The following KIAA1217 variants were observed in gnomAD, a reference collection of about 807,000 sequenced individuals.
KIAA1217 encodes the protein sickle tail protein homolog.
Under a neutral mutation model 163.9 loss-of-function variants are expected in KIAA1217, and 88 were observed. The observed-to-expected ratio is 0.54, with a 90% CI of 0.45 to 0.64. The LOEUF (loss-of-function observed/expected upper bound fraction) is 0.64. KIAA1217 is among the 30% of genes least tolerant of loss of function. The probability of loss-of-function intolerance (pLI) is 0.00; values close to 1 mark genes in which losing one functional copy is unlikely to be tolerated. For synonymous variants in KIAA1217, 903 were observed against 923.1 expected (o/e 0.98, Z 0.39); for missense variants, 2,372 against 2,475.0 (o/e 0.96, Z 0.88).
intron 2 of KIAA1217, among the ~76,000 whole-genome samples, chr10:24,234,339 C>T (rs1326613402): frequency 6.6e-6 from 1 of 151,828 alleles, no homozygotes; most frequent in Non-Finnish European, 1.5e-5. Context: ...AGTTACTCAA[C>T]CTGTAATGAG....
intron 1 of KIAA1217, among the ~76,000 whole-genome samples, chr10:23,744,938 C>T (rs1314327422): frequency 6.6e-6 from 1 of 152,002 alleles, no homozygotes; most frequent in Non-Finnish European, 1.5e-5. Flanking sequence ...TGGATGAGGC[C>T]CAGCTCCATT....
chr10:24,442,110 C>G (rs948529018), intron 5 of KIAA1217, among the ~76,000 whole-genome samples: 1 of 152,112 alleles, frequency 6.6e-6, no homozygotes, highest in Non-Finnish European at 1.5e-5. Flanking sequence ...TAGACAATTA[C>G]CAGATTGGCC....
chr10:23,707,513 A>G (rs1836966744), intron 1 of KIAA1217, among the ~76,000 whole-genome samples: 1 of 152,200 alleles, frequency 6.6e-6, no homozygotes, highest in African/African-American at 2.4e-5. Flanking sequence ...CAAATACTAC[A>G]CTTATAAGTG....
At chr10:24,174,715 T>G (rs560329453) in intron 2 of KIAA1217, among the ~76,000 whole-genome samples, 1 of 152,318 alleles carries the variant, frequency 6.6e-6, no homozygotes, top group East Asian at 1.9e-4. Flanking sequence ...TTTTTAAATT[T>G]TATTTATTTA....
chr10:24,447,432 T>C, intron 5 of KIAA1217, among the ~76,000 whole-genome samples: 1 of 152,040 alleles, frequency 6.6e-6, no homozygotes, highest in East Asian at 1.9e-4. Context: ...TTCCCCACCC[T>C]GTGTCCAAGT....
At chr10:24,199,314 A>G (rs533524877) in intron 2 of KIAA1217, among the ~76,000 whole-genome samples, 106 of 152,358 alleles carry the variant, frequency 7.0e-4, no homozygotes, top group African/African-American at 2.2e-3. Flanking sequence ...GAAAATATGC[A>G]ACTGTTTTAT....
chr10:24,155,976 A>T (rs1437548152), intron 2 of KIAA1217, among the ~76,000 whole-genome samples: 1 of 152,186 alleles, frequency 6.6e-6, no homozygotes, highest in African/African-American at 2.4e-5. Flanking sequence ...GTTGTTTTAA[A>T]TAGCTTATTT....
At chr10:24,067,335 T>C (rs1247332582) in intron 2 of KIAA1217, among the ~76,000 whole-genome samples, 1 of 152,218 alleles carries the variant, frequency 6.6e-6, no homozygotes, top group African/African-American at 2.4e-5. Context: ...TGGATGTCCT[T>C]TCTGTTTGTT....
intron 2 of KIAA1217, among the ~76,000 whole-genome samples, chr10:24,223,775 A>G (rs919599442): frequency 4.9e-5 from 7 of 143,670 alleles, no homozygotes; most frequent in Admixed American, 2.2e-4. Context: ...GTGCAGTGGC[A>G]TGATCATGGC....
intron 1 of KIAA1217, among the ~76,000 whole-genome samples, chr10:23,709,726 C>T (rs975528157): frequency 2.2e-4 from 33 of 152,088 alleles, no homozygotes; most frequent in Non-Finnish European, 1.0e-4. Context: ...TTTTACTATG[C>T]CTGTATGGTC....
intron 2 of KIAA1217, among the ~76,000 whole-genome samples, chr10:24,123,794 T>C (rs1236624764): frequency 1.3e-5 from 2 of 152,222 alleles, no homozygotes; most frequent in Non-Finnish European, 2.9e-5. Flanking sequence ...TTTCCCCATA[T>C]CTTTTCCAAT....
chr10:24,197,893 C>A (rs1455853196), intron 2 of KIAA1217, among the ~76,000 whole-genome samples: 1 of 152,222 alleles, frequency 6.6e-6, no homozygotes, highest in Non-Finnish European at 1.5e-5. Context: ...ATGCATGGAC[C>A]TGACACCTGT....
At chr10:23,924,797 TTCTGAG>T (rs1227034482) in intron 1 of KIAA1217, among the ~76,000 whole-genome samples, 6 of 152,210 alleles carry the variant, frequency 3.9e-5, no homozygotes, top group African/African-American at 1.4e-4. Flanking sequence ...ATGACACTGT[TTCTGAG>T]TCTGAACAAG....
chr10:23,715,515 G>C (rs912427930), intron 1 of KIAA1217, among the ~76,000 whole-genome samples: 3 of 152,124 alleles, frequency 2.0e-5, no homozygotes, highest in African/African-American at 7.2e-5. Flanking sequence ...AGTATGATGA[G>C]ACCTCATGGT....
intron 2 of KIAA1217, among the ~76,000 whole-genome samples, chr10:24,182,622 A>G (rs1216249024): frequency 1.3e-5 from 2 of 152,196 alleles, no homozygotes; most frequent in African/African-American, 2.4e-5. Flanking sequence ...GGGTAGGGGC[A>G]TATGTTCTTT....
At chr10:23,761,031 C>G (rs568864087) in intron 1 of KIAA1217, among the ~76,000 whole-genome samples, 4 of 152,030 alleles carry the variant, frequency 2.6e-5, no homozygotes, top group South Asian at 4.2e-4. Flanking sequence ...GGGAGGATCA[C>G]TTGAGGCCAG....
chr10:23,819,341 C>T (rs77339019), intron 1 of KIAA1217, among the ~76,000 whole-genome samples: 1,859 of 152,142 alleles, frequency 0.012, 31 homozygotes, highest in South Asian at 0.052. Flanking sequence ...AGGAGTGTGC[C>T]CTTTCTCTAC....
intron 9 of KIAA1217, among the ~76,000 whole-genome samples, chr10:24,502,424 G>A (rs1366678513): frequency 2.0e-5 from 3 of 152,048 alleles, no homozygotes; most frequent in Non-Finnish European, 4.4e-5. Context: ...CCATTGTTAA[G>A]GAATATATAA....
At chr10:23,894,656 G>A (rs1163054758) in intron 1 of KIAA1217, among the ~76,000 whole-genome samples, 1 of 149,156 alleles carries the variant, frequency 6.7e-6, no homozygotes, top group African/African-American at 2.5e-5. Flanking sequence ...AGTTCATATG[G>A]AACCAAAAAA....
Sources: gnomAD v4.1 joint callset for allele counts (sites outside exome capture counted in the v4.1 genomes callset) on GRCh38, gnomAD v4.1.1 for gene constraint, MANE v1.5 for transcripts, NCBI Gene and HGNC (gene_info 2026-07-23, HGNC 2026-07-21) for gene names.